Variants in SPIRE2 observed in about 807,000 individuals in gnomAD.
SPIRE2 encodes spire type actin nucleation factor 2, also known as protein spire homolog 2.
A neutral mutation model predicts 80.7 loss-of-function variants in SPIRE2; 76 were observed. The observed-to-expected ratio is 0.94, with a 90% CI of 0.78 to 1.14. The LOEUF (loss-of-function observed/expected upper bound fraction) is 1.14, where lower values mean the gene tolerates loss of function less well. Among genes scored for constraint, SPIRE2 ranks in the 50% most tolerant of loss-of-function variants. The probability of loss-of-function intolerance (pLI) is 0.00; values close to 1 mark genes in which losing one functional copy is unlikely to be tolerated. For synonymous variants in SPIRE2, 535 were observed against 432.6 expected, an observed-to-expected ratio of 1.24 and a Z score of -2.94; for missense variants, 1,196 against 1,015.3, an observed-to-expected ratio of 1.18 and a Z score of -2.42.
chr16:89,837,787 A>G (rs7203630), intron 1 of SPIRE2, among the ~76,000 whole-genome samples: 7,531 of 152,068 alleles, frequency 0.05, 620 homozygotes, highest in African/African-American at 0.17. Flanking sequence ...GGGGCGTGTG[A>G]GTTTATGGAA....
Position 89,850,435 on chromosome 16 carries a change from C to T in SPIRE2, c.420C>T (p.Ser140=), listed in dbSNP as rs764245100. The change falls in exon 3 of 15, where the codon AGC becomes AGT. Residue 140 remains serine, a synonymous_variant. Coordinates refer to ENST00000378247, the MANE Select transcript of SPIRE2 (RefSeq NM_032451.2). ...TGGCCAACAACGACAGCGAGGACAG[C>T]GGCTGCGGTGCCGCCGATGAGGGCT... The part of the protein sequence containing the change: ...DLMANNDSED[S]GCGAADEGYG... 5 of 1,574,208 alleles carry T rather than the reference C, an allele frequency of 3.2e-6. No homozygotes were observed. Among genetic ancestry groups the T allele is most frequent in the African/African-American group, 1.3e-5 (1 of 74,450 alleles).
At chr16:89,855,920 C>T (rs2041686139) in intron 6 of SPIRE2, 193 bp from the exon 7 acceptor site, 3 of 1,100,330 alleles carry the variant, frequency 2.7e-6, no homozygotes, top group Admixed American at 2.8e-5. Flanking sequence ...CCACCCCACC[C>T]CAGGTGCATG....
At chr16:89,861,917 G>A (rs1029872184) in intron 10 of SPIRE2, 4 of 152,198 alleles carry the variant, frequency 2.6e-5, no homozygotes, top group African/African-American at 9.7e-5. Flanking sequence ...ACCAAGTCCA[G>A]CAGTGCCACA....
In SPIRE2 at chr16:89,840,399, G is replaced by A. The variant is rs530314835; in HGVS notation, c.245-4923G>A. 2.4e-4 allele frequency among the ~76,000 whole-genome samples: 37 copies of A among 151,534 alleles called. No individual in the cohort carries two copies. In the East Asian group the frequency reaches 6.3e-3, roughly 26 times the overall value. On this transcript the variant is annotated intron_variant, in intron 1 of 14. Transcript: ENST00000378247. ...CGAATAACTGGGACTACAGGCGCCC[G>A]CCACCAGGCCTGGCTAATTTTTTAG...
At chr16:89,830,172 G>A (rs1305846476) in intron 1 of SPIRE2, among the ~76,000 whole-genome samples, 2 of 151,166 alleles carry the variant, frequency 1.3e-5, no homozygotes, top group East Asian at 3.9e-4. Flanking sequence ...TTGGTGCTGT[G>A]CAAGGCGTCC....
Position 89,858,228 on chromosome 16 carries a change from C to T in SPIRE2, c.1103-110C>T, listed in dbSNP as rs2143818285. 9 of 1,176,040 alleles carry T rather than the reference C, an allele frequency of 7.7e-6. No individual in the cohort carries two copies. In the East Asian group the frequency reaches 2.3e-4, roughly 31 times the overall value. The allele number at this position is 1,176,040 out of a possible 1,614,324, so 72.9% of individuals were successfully genotyped here. Reference sequence around the variant, plus strand: ...AATGGCTGGCTAGCCCTCAGTTTCCCCTTCTGCAAAGTCAGGGAATTAAGC... The same window carrying T: ...AATGGCTGGCTAGCCCTCAGTTTCCTCTTCTGCAAAGTCAGGGAATTAAGC... On this transcript the variant is annotated intron_variant, in intron 7 of 14. Coordinates refer to ENST00000378247, the MANE Select transcript of SPIRE2 (RefSeq NM_032451.2).
rs760018809 is a variant in SPIRE2 at position 89,863,505 on chromosome 16, G to A, written c.1605G>A (p.Ala535=). ...LEFSHPVESL[A]LTVEEVMDVR... is the part of the protein sequence containing the mutation. ...TCAGCCACCCCGTGGAGAGCCTGGC[G>A]CTGACTGTGGAAGAGGTGATGGACG... Residue 535 remains alanine (A), a synonymous_variant, in exon 11 of 15, where the codon GCG becomes GCA. Transcript: ENST00000378247. This position sits in a 1 kb window ranked among gnomAD's most constrained non-coding sequence, Gnocchi z 4.3. 1.1e-5 allele frequency: 18 copies of A among 1,613,934 alleles called. No individual in the cohort carries two copies. The highest frequency in any genetic ancestry group is 1.7e-5 in the Admixed American group (1 of 60,006).
At chr16:89,841,693 G>C (rs535450055) in intron 1 of SPIRE2, among the ~76,000 whole-genome samples, 1 of 151,856 alleles carries the variant, frequency 6.6e-6, no homozygotes, top group Admixed American at 6.6e-5. Flanking sequence ...TAGAGGCCAC[G>C]GTAAATAATT....
intron 1 of SPIRE2, among the ~76,000 whole-genome samples, chr16:89,844,277 T>G (rs1692950817): frequency 6.6e-6 from 1 of 152,058 alleles, no homozygotes; most frequent in Non-Finnish European, 1.5e-5. Context: ...CAAGCGATTC[T>G]CACGCCTCAG....
rs1362549418 is a variant in SPIRE2 at position 89,850,549 on chromosome 16, G to A, written c.534G>A (p.Arg178=). 1.3e-6 allele frequency: 2 copies of A among 1,512,816 alleles called. No individual in the cohort carries two copies. The highest frequency in any genetic ancestry group is 8.8e-7 in the Non-Finnish European group (1 of 1,135,218). The allele number at this position is 1,512,816 out of a possible 1,614,324, so 93.7% of individuals were successfully genotyped here. A position where few individuals can be genotyped will look rare whatever the true frequency, so the allele number is the denominator to read the frequency against. The change falls in exon 3 of 15, where the codon CGG becomes CGA. Residue 178 remains arginine (R), a synonymous_variant. Coordinates refer to ENST00000378247, the MANE Select transcript of SPIRE2 (RefSeq NM_032451.2). ...AGGCCATGCGGCTGTGCGCGGCGCG[G>A]CTGACCGACCCCCGGGGCGCACAGG... ...FAQAMRLCAA[R]LTDPRGAQAH...
In SPIRE2 at chr16:89,852,952, TCCATCCTCCCTCTCACCCC is replaced by T. The variant is rs1567674786; in HGVS notation, c.646-1331_646-1313del. Among the ~76,000 whole-genome samples the T allele has an allele frequency of 9.5e-4, 92 of 97,116 alleles. 6 individuals are homozygous for T. The highest frequency in any genetic ancestry group is 2.0e-3 in the East Asian group (3 of 1,480). 63.7% of individuals were successfully genotyped at this position (97,116 alleles called of 152,430 possible). A position where few individuals can be genotyped will look rare whatever the true frequency, so the allele number is the denominator to read the frequency against. The stretch of plus-strand genomic sequence containing the variant: ...ACCCCCCGCATCCCATGGCCCGTCT[TCCATCCTCCCTCTCACCCC>T]CCGGATCCCATGGCCCGTCTTCCAT... On this transcript the variant is annotated intron_variant, in intron 3 of 14. Transcript: ENST00000378247.
At chr16:89,842,949 G>A (rs2041518332) in intron 1 of SPIRE2, among the ~76,000 whole-genome samples, 1 of 152,234 alleles carries the variant, frequency 6.6e-6, no homozygotes, top group Non-Finnish European at 1.5e-5. Flanking sequence ...GTTCTTGATG[G>A]CATTTTGAAA....
chr16:89,867,128 TTTGTTG>T (rs567401319), intron 12 of SPIRE2, among the ~76,000 whole-genome samples: 4 of 151,854 alleles, frequency 2.6e-5, no homozygotes, highest in Admixed American at 1.3e-4. Context: ...TTTTTTGTTT[TTTGTTG>T]TTGTTGTTGT....
Position 89,863,597 on chromosome 16 carries a change from TGAA to T in SPIRE2, c.1702_1704del (p.Lys568del), listed in dbSNP as rs1219241815. 1 of 1,614,068 alleles carries T rather than the reference TGAA, an allele frequency of 6.2e-7. No individual in the cohort carries two copies. Among genetic ancestry groups the T allele is most frequent in the Non-Finnish European group, 8.5e-7 (1 of 1,180,020 alleles). On this transcript the variant is annotated inframe_deletion, in exon 11 of 15. Transcript: ENST00000378247. The surrounding 1 kb of genome is among the most constrained non-coding windows in gnomAD (Gnocchi z 4.3). ...CAGAACAAGGAGCTCTTCAGCAGTC[TGAA>T]GAAGGGGAAGGTGAGGCTGCCTAGA...
chr16:89,868,192 C>T lies in SPIRE2; in HGVS notation c.1782C>T (p.Ala594=), dbSNP rs747197829. 6 of 1,614,084 alleles carry T rather than the reference C, an allele frequency of 3.7e-6. No homozygotes were observed. The highest frequency in any genetic ancestry group is 1.1e-5 in the South Asian group (1 of 91,074). The change falls in exon 13 of 15, where the codon GCC becomes GCT. Residue 594 remains alanine (A), a synonymous_variant. Transcript: ENST00000378247. ...CATTTCCTCTGTTCCCTTCCAGAGC[C>T]GTCTGCACTTCCTGTAGCATAAAGG... The part of the protein sequence containing the change: ...WPPSCLFCKR[A]VCTSCSIKMK...
intron 3 of SPIRE2, among the ~76,000 whole-genome samples, chr16:89,851,470 G>T (rs545840905): frequency 6.6e-6 from 1 of 152,182 alleles, no homozygotes; most frequent in African/African-American, 2.4e-5. Context: ...AGGTGGAGGG[G>T]TCACTTGACA....
In SPIRE2 at chr16:89,863,537, G is replaced by C. The variant is rs749863509; in HGVS notation, c.1637G>C (p.Arg546Pro). The change falls in exon 11 of 15, where the codon CGT becomes CCT. Residue 546 changes from arginine (R) to proline (P), a missense_variant. Coordinates refer to ENST00000378247, the MANE Select transcript of SPIRE2 (RefSeq NM_032451.2). This position sits in a 1 kb window ranked among gnomAD's most constrained non-coding sequence, Gnocchi z 4.3. ...GTGGAAGAGGTGATGGACGTGCGCC[G>C]TGTGCTGGTGAAGGCCGAGATGGAA... ...LTVEEVMDVR[R>P]VLVKAEMEKF... The C allele has an allele frequency of 6.2e-7, 1 of 1,613,988 alleles. No homozygotes were observed. The highest frequency in any genetic ancestry group is 1.3e-5 in the African/African-American group (1 of 74,942).
chr16:89,831,278 T>G (rs552523412), intron 1 of SPIRE2, among the ~76,000 whole-genome samples: 4 of 151,022 alleles, frequency 2.6e-5, no homozygotes, highest in Non-Finnish European at 5.9e-5. Flanking sequence ...GCAAGGTGGG[T>G]GGGATGGCCC....
At chr16:89,837,710 C>T (rs953354073) in intron 1 of SPIRE2, among the ~76,000 whole-genome samples, 8 of 152,168 alleles carry the variant, frequency 5.3e-5, no homozygotes, top group East Asian at 1.9e-4. Flanking sequence ...CTCCCGGACT[C>T]GGGTCTCCGC....
Sources: allele counts gnomAD v4.1 joint callset (sites outside exome capture counted in the v4.1 genomes callset), GRCh38; gene constraint gnomAD v4.1.1; non-coding constraint Gnocchi (gnomAD v3.1); transcripts MANE v1.5; gene names NCBI Gene and HGNC (gene_info 2026-07-23, HGNC 2026-07-21).